NKAIN2: variants seen among roughly 807,000 people sequenced by gnomAD.
NKAIN2 encodes the protein sodium/potassium transporting ATPase interacting 2.
A neutral mutation model predicts 32.6 loss-of-function variants in NKAIN2; 14 were observed. That is an observed-to-expected ratio of 0.43 (90% CI 0.28 to 0.67). The LOEUF is 0.67. NKAIN2 is among the 30% of genes least tolerant of loss of function. The probability of loss-of-function intolerance (pLI) is 0.17; values close to 1 mark genes in which losing one functional copy is unlikely to be tolerated. For synonymous variants in NKAIN2, 80 were observed against 87.2 expected, an observed-to-expected ratio of 0.92 and a Z score of 0.46; for missense variants, 198 against 258.3, an observed-to-expected ratio of 0.77 and a Z score of 1.60.
Position 124,423,394 on chromosome 6 carries a change from G to T in NKAIN2, c.273+68047G>T, listed in dbSNP as rs1379889562. On this transcript the variant is annotated intron_variant, in intron 3 of 6. Transcript: ENST00000368417. Reference sequence around the variant, plus strand: ...TACATCTTACCTTTGTGAGATTTATGTTCTCCATATGTAAAATGTACATAA... The same window carrying T: ...TACATCTTACCTTTGTGAGATTTATTTTCTCCATATGTAAAATGTACATAA... 2.0e-5 allele frequency among the ~76,000 whole-genome samples: 3 copies of T among 152,102 alleles called. No individual in the cohort carries two copies. In the East Asian group the frequency reaches 5.8e-4, roughly 29 times the overall value.
intron 1 of NKAIN2, among the ~76,000 whole-genome samples, chr6:124,001,230 T>A (rs1373660863): frequency 6.6e-6 from 1 of 152,002 alleles, no homozygotes; most frequent in Non-Finnish European, 1.5e-5. Flanking sequence ...AGGGAATAGC[T>A]TTTGAATGTT....
At chr6:123,827,996 T>A (rs773871086) in intron 1 of NKAIN2, among the ~76,000 whole-genome samples, 12 of 152,116 alleles carry the variant, frequency 7.9e-5, no homozygotes, top group Non-Finnish European at 1.6e-4. Context: ...TACTTTGTGT[T>A]TGTCATGAAA....
At chr6:123,887,905 C>T (rs1350488003) in intron 1 of NKAIN2, among the ~76,000 whole-genome samples, 1 of 152,042 alleles carries the variant, frequency 6.6e-6, no homozygotes, top group Non-Finnish European at 1.5e-5. Flanking sequence ...GAGCCCTATT[C>T]CTTACTAGCT....
intron 4 of NKAIN2, among the ~76,000 whole-genome samples, chr6:124,664,602 G>A (rs6919777): frequency 0.38 from 57,202 of 149,650 alleles, 11,079 homozygotes; most frequent in African/African-American, 0.44. Flanking sequence ...AGACCATCCC[G>A]GCTAAAACGG....
intron 1 of NKAIN2, among the ~76,000 whole-genome samples, chr6:124,100,791 C>A (rs971205351): frequency 3.3e-5 from 5 of 152,140 alleles, no homozygotes; most frequent in African/African-American, 9.7e-5. Context: ...CATTTCTTGT[C>A]CTATAGAACC....
chr6:123,809,472 C>G (rs1344586897), intron 1 of NKAIN2, among the ~76,000 whole-genome samples: 1 of 152,094 alleles, frequency 6.6e-6, no homozygotes, highest in Non-Finnish European at 1.5e-5. Flanking sequence ...TATGAAGGAA[C>G]AAGATAAACT....
intron 3 of NKAIN2, among the ~76,000 whole-genome samples, chr6:124,522,226 A>T (rs1376972722): frequency 2.0e-5 from 3 of 152,204 alleles, no homozygotes; most frequent in Non-Finnish European, 4.4e-5. Context: ...CTATTCTCTG[A>T]TAAGAATGAT....
chr6:124,600,473 A>G (rs1176520533), intron 3 of NKAIN2, among the ~76,000 whole-genome samples: 1 of 152,058 alleles, frequency 6.6e-6, no homozygotes, highest in Non-Finnish European at 1.5e-5. Context: ...CCAGAACCCT[A>G]CTAAAAATAT....
intron 1 of NKAIN2, among the ~76,000 whole-genome samples, chr6:123,898,921 C>T (rs910188045): frequency 6.6e-6 from 1 of 152,190 alleles, no homozygotes; most frequent in Non-Finnish European, 1.5e-5. Flanking sequence ...TCTCAACTGC[C>T]TTCATAACCT....
chr6:124,750,699 T>C (rs1216763180), intron 4 of NKAIN2, among the ~76,000 whole-genome samples: 2 of 152,062 alleles, frequency 1.3e-5, no homozygotes, highest in Admixed American at 1.3e-4. Context: ...TAACTGTATG[T>C]TTACATTTTT....
intron 5 of NKAIN2, 93 bp from the exon 6 acceptor site, chr6:124,818,293 TA>T (rs1327424061): frequency 7.5e-6 from 4 of 534,454 alleles, no homozygotes; most frequent in Non-Finnish European, 1.4e-5. Context: ...AATAGATTAT[TA>T]CTAATAAAAG....
At chr6:124,474,045 A>G (rs1182315146) in intron 3 of NKAIN2, among the ~76,000 whole-genome samples, 3 of 152,138 alleles carry the variant, frequency 2.0e-5, no homozygotes, top group Admixed American at 2.0e-4. Context: ...ACAGTTGCAT[A>G]TCAGTGGAAG....
At chr6:124,053,660 T>C (rs981864169) in intron 1 of NKAIN2, among the ~76,000 whole-genome samples, 27 of 152,042 alleles carry the variant, frequency 1.8e-4, no homozygotes, top group Non-Finnish European at 4.0e-4. Flanking sequence ...GTGGATTTGG[T>C]CCACTCAATT....
At chr6:124,129,330 T>C (rs1342748051) in intron 1 of NKAIN2, among the ~76,000 whole-genome samples, 1 of 152,170 alleles carries the variant, frequency 6.6e-6, no homozygotes, top group South Asian at 2.1e-4. Context: ...AAAGCCCAGA[T>C]GTAGATCACC....
intron 4 of NKAIN2, among the ~76,000 whole-genome samples, chr6:124,721,925 C>G (rs749259971): frequency 6.6e-6 from 1 of 152,110 alleles, no homozygotes; most frequent in Non-Finnish European, 1.5e-5. Flanking sequence ...ATCTCCAGAA[C>G]TTTTTTTGTC....
At chr6:123,989,487 C>CTGGGTCT (rs1290513744) in intron 1 of NKAIN2, among the ~76,000 whole-genome samples, 1 of 152,096 alleles carries the variant, frequency 6.6e-6, no homozygotes, top group Non-Finnish European at 1.5e-5. Flanking sequence ...AGAACTCTTG[C>CTGGGTCT]TGGGTCTTTT....
At chr6:124,457,676 A>C (rs1295251874) in intron 3 of NKAIN2, among the ~76,000 whole-genome samples, 1 of 151,958 alleles carries the variant, frequency 6.6e-6, no homozygotes, top group African/African-American at 2.4e-5. Flanking sequence ...TCCACAGGAT[A>C]CACATTATTA....
At chr6:124,751,239 G>GA (rs1583791872) in intron 4 of NKAIN2, among the ~76,000 whole-genome samples, 2 of 152,160 alleles carry the variant, frequency 1.3e-5, no homozygotes, top group East Asian at 3.9e-4. Context: ...TTACATTTCA[G>GA]AGAATGGTCT....
intron 1 of NKAIN2, among the ~76,000 whole-genome samples, chr6:124,139,064 CTT>C (rs1460455201): frequency 7.5e-6 from 1 of 133,870 alleles, no homozygotes; most frequent in Admixed American, 7.8e-5. Context: ...TCCCCAAAAA[CTT>C]TTTTAAATAA....
Sources: gnomAD v4.1 joint callset for allele counts (sites outside exome capture counted in the v4.1 genomes callset) on GRCh38, gnomAD v4.1.1 for gene constraint, MANE v1.5 for transcripts, NCBI Gene and HGNC (gene_info 2026-07-23, HGNC 2026-07-21) for gene names.